SLC16A7: variants seen among roughly 807,000 people sequenced by gnomAD.
SLC16A7 encodes the protein monocarboxylate transporter 2.
A neutral mutation model predicts 34.9 loss-of-function variants in SLC16A7; 33 were observed. That is an observed-to-expected ratio of 0.94 (90% confidence interval 0.72 to 1.26). SLC16A7 has a LOEUF of 1.26. SLC16A7 is among the 50% of genes most tolerant of loss of function. SLC16A7 has a pLI of 0.00. For missense variants in SLC16A7, 573 were observed against 578.1 expected, an observed-to-expected ratio of 0.99 and a Z score of 0.09; for synonymous variants, 201 against 206.6, an observed-to-expected ratio of 0.97 and a Z score of 0.23.
intron 2 of SLC16A7, among the ~76,000 whole-genome samples, chr12:59,665,766 T>C (rs947038531): frequency 4.0e-5 from 6 of 151,832 alleles, no homozygotes; most frequent in Admixed American, 6.6e-5. Context: ...CACACACACA[T>C]ATATGTAACT....
chr12:59,692,546 A>G (rs1409488057), intron 2 of SLC16A7, among the ~76,000 whole-genome samples: 1 of 151,980 alleles, frequency 6.6e-6, no homozygotes, highest in Non-Finnish European at 1.5e-5. Flanking sequence ...GGATTTGGGG[A>G]TGTTCAACCT....
chr12:59,730,961 C>G (rs1876882935), intron 3 of SLC16A7, among the ~76,000 whole-genome samples: 1 of 152,100 alleles, frequency 6.6e-6, no homozygotes, highest in African/African-American at 2.4e-5. Flanking sequence ...GGGAGGTTGT[C>G]ACTCTATAAA....
At position 59,779,628 on chromosome 12, in the gene SLC16A7, C is replaced by T. The variant is rs1443914293; in HGVS notation, c.1386C>T (p.Val462=). The T allele has an allele frequency of 7.4e-6, 12 of 1,611,316 alleles. No homozygotes were observed. Among genetic ancestry groups the T allele is most frequent in the Non-Finnish European group, 1.0e-5 (12 of 1,177,982 alleles). ...SKSKHSEDVN[V]KVSNAQSVTS... is the part of the protein sequence containing the mutation. ...CTAAACATTCGGAAGATGTTAACGT[C>T]AAAGTTTCAAATGCACAGAGTGTAA... The change falls in exon 6 of 6, where the codon GTC becomes GTT. Residue 462 remains valine, a synonymous_variant. Coordinates refer to ENST00000547379, the MANE Select transcript of SLC16A7 (RefSeq NM_001270623.2).
chr12:59,634,209 G>C (rs1033399576), intron 1 of SLC16A7, among the ~76,000 whole-genome samples: 1 of 152,004 alleles, frequency 6.6e-6, no homozygotes, highest in African/African-American at 2.4e-5. Context: ...AGTACCTCCA[G>C]GTGGTAGCAG....
chr12:59,617,930 C>A (rs1228149333), intron 1 of SLC16A7, among the ~76,000 whole-genome samples: 1 of 151,936 alleles, frequency 6.6e-6, no homozygotes, highest in Non-Finnish European at 1.5e-5. Flanking sequence ...ATTGCCACAT[C>A]ATAGAGGCAA....
At chr12:59,606,775 T>C (rs1174637135) in intron 1 of SLC16A7, among the ~76,000 whole-genome samples, 1 of 152,216 alleles carries the variant, frequency 6.6e-6, no homozygotes, top group Non-Finnish European at 1.5e-5. Context: ...AAGACATCTT[T>C]TCTGTCTGTC....
chr12:59,648,746 A>G (rs559104929), intron 1 of SLC16A7, among the ~76,000 whole-genome samples: 184 of 152,292 alleles, frequency 1.2e-3, no homozygotes, highest in African/African-American at 4.3e-3. Context: ...CAGGGAACTA[A>G]TTGGTAAGTA....
chr12:59,781,557 G>C lies in SLC16A7; in HGVS notation c.*1878G>C, dbSNP rs1045492860. On this transcript the variant is annotated 3_prime_UTR_variant, in exon 6 of 6. Transcript: ENST00000547379. ...CTCTTTTGCATATGAAGAGATATTT[G>C]TATTTTTCAAATGTTAAGTAAAACA... 6.6e-6 allele frequency: 1 copy of C among 152,472 alleles called. No individual in the cohort carries two copies. The allele number at this position is 152,472 out of a possible 1,614,324, so 9.4% of individuals were successfully genotyped here. A position where few individuals can be genotyped will look rare whatever the true frequency, so the allele number is the denominator to read the frequency against.
chr12:59,641,272 C>T (rs1181514756), intron 1 of SLC16A7, among the ~76,000 whole-genome samples: 1 of 152,010 alleles, frequency 6.6e-6, no homozygotes, highest in Non-Finnish European at 1.5e-5. Flanking sequence ...TTAATTGATA[C>T]AAAGCAGTCT....
intron 3 of SLC16A7, chr12:59,768,166 G>C (rs1391996952): frequency 1.1e-5 from 5 of 455,800 alleles, no homozygotes; most frequent in Non-Finnish European, 2.2e-5. Context: ...CTGGGAAAAG[G>C]AGATGGAAAA....
chr12:59,601,016 C>G (rs990272792), intron 1 of SLC16A7, among the ~76,000 whole-genome samples: 1 of 152,146 alleles, frequency 6.6e-6, no homozygotes, highest in South Asian at 2.1e-4. Context: ...AATTATAGAG[C>G]CTGGTGATTA....
intron 3 of SLC16A7, among the ~76,000 whole-genome samples, chr12:59,722,449 C>T (rs1396609766): frequency 1.3e-5 from 2 of 151,890 alleles, no homozygotes; most frequent in African/African-American, 4.8e-5. Flanking sequence ...TAAGTTCAAT[C>T]ATGTCCGAGC....
intron 3 of SLC16A7, among the ~76,000 whole-genome samples, chr12:59,770,820 CT>C (rs1193433494): frequency 6.6e-6 from 1 of 152,074 alleles, no homozygotes; most frequent in Non-Finnish European, 1.5e-5. Flanking sequence ...ACACATTATT[CT>C]AGAAAATAAA....
chr12:59,703,451 A>G (rs1283474032), intron 2 of SLC16A7, among the ~76,000 whole-genome samples: 1 of 152,144 alleles, frequency 6.6e-6, no homozygotes, highest in African/African-American at 2.4e-5. Flanking sequence ...TACCCCATAA[A>G]TATATAATAG....
At chr12:59,704,251 GAGTT>G (rs1240426157) in intron 2 of SLC16A7, among the ~76,000 whole-genome samples, 2 of 148,612 alleles carry the variant, frequency 1.3e-5, no homozygotes, top group Non-Finnish European at 3.0e-5. Context: ...AGAAAAAAGT[GAGTT>G]AGAATTATCT....
At chr12:59,682,921 C>A (rs967442465) in intron 2 of SLC16A7, among the ~76,000 whole-genome samples, 1 of 152,020 alleles carries the variant, frequency 6.6e-6, no homozygotes, top group African/African-American at 2.4e-5. Context: ...ACAAAATTAG[C>A]CAGGCGTGGT....
intron 3 of SLC16A7, among the ~76,000 whole-genome samples, chr12:59,763,014 C>T (rs1320893499): frequency 6.6e-6 from 1 of 151,974 alleles, no homozygotes; most frequent in Non-Finnish European, 1.5e-5. Context: ...AAACATTGCA[C>T]ATACATCTAA....
At chr12:59,625,136 C>T (rs879881173) in intron 1 of SLC16A7, among the ~76,000 whole-genome samples, 2 of 151,760 alleles carry the variant, frequency 1.3e-5, no homozygotes, top group Admixed American at 6.6e-5. Context: ...CAGAGACTTG[C>T]ACAAATTAAC....
chr12:59,653,695 G>T (rs1480843788), intron 1 of SLC16A7, among the ~76,000 whole-genome samples: 1 of 151,340 alleles, frequency 6.6e-6, no homozygotes, highest in Non-Finnish European at 1.5e-5. Flanking sequence ...GTATATACAT[G>T]GTCTACTTAT....
Sources: gnomAD v4.1 joint callset for allele counts (sites outside exome capture counted in the v4.1 genomes callset) on GRCh38, gnomAD v4.1.1 for gene constraint, MANE v1.5 for transcripts, NCBI Gene and HGNC (gene_info 2026-07-23, HGNC 2026-07-21) for gene names.